Variants in GLI3 observed in about 807,000 individuals in gnomAD.
GLI3 encodes the protein transcription activator GLI3.
Under a neutral mutation model 100.8 loss-of-function variants are expected in GLI3, and 20 were observed. The observed-to-expected ratio is 0.20, with a 90% CI of 0.14 to 0.29. GLI3 has a LOEUF of 0.29. Ranked by LOEUF, GLI3 falls within the 10% of genes least tolerant of loss-of-function variation. GLI3 has a pLI of 1.00. For missense variants in GLI3, 2,040 were observed against 2,128.5 expected (o/e 0.96, Z 0.82); for synonymous variants, 938 against 860.5 (o/e 1.09, Z -1.58).
rs115358313 is a variant in GLI3 at position 42,075,476 on chromosome 7, G to A, written c.473+1276C>T. 2.0e-3 allele frequency among the ~76,000 whole-genome samples: 304 copies of A among 152,230 alleles called. 2 individuals are homozygous for A. Among genetic ancestry groups the A allele is most frequent in the African/African-American group, 7.1e-3 (293 of 41,520 alleles). On this transcript the variant is annotated intron_variant, in intron 4 of 14. Transcript: ENST00000395925. ...GGGTGAATTACATGTCATGTTTCAG[G>A]CTGAACTAGGAATTTCCTTCCCTTT...
Position 42,182,683 on chromosome 7 carries a change from C to CGTGTGTGTATATATATATATATATATAT in GLI3, c.125-34216_125-34215insATATATATATATATATATATACACACAC, listed in dbSNP as rs1562775920. 2.0e-4 allele frequency among the ~76,000 whole-genome samples: 11 copies of CGTGTGTGTATATATATATATATATATAT among 54,868 alleles called. 1 individual carries two copies. In the South Asian group the frequency reaches 3.7e-3, roughly 18 times the overall value. The allele number at this position is 54,868 out of a possible 152,430, so 36.0% of individuals were successfully genotyped here. ...ATATATATATATATATATATATATA[C>CGTGTGTGTATATATATATATATATATAT]ACATGTGTGTATATATATATACACA... is the stretch of plus-strand genomic sequence containing the variant. On this transcript the variant is annotated intron_variant, in intron 2 of 14. Coordinates refer to ENST00000395925, the MANE Select transcript of GLI3 (RefSeq NM_000168.6).
chr7:42,065,749 G>C (rs191219362), intron 4 of GLI3, among the ~76,000 whole-genome samples: 1 of 152,112 alleles, frequency 6.6e-6, no homozygotes, highest in African/African-American at 2.4e-5. Flanking sequence ...CACCCTACAC[G>C]GGATGATTTA....
chr7:42,200,852 G>A (rs1788024392), intron 2 of GLI3, among the ~76,000 whole-genome samples: 1 of 152,112 alleles, frequency 6.6e-6, no homozygotes, highest in Non-Finnish European at 1.5e-5. Flanking sequence ...ACCTGAGCCT[G>A]TGCAAAAACA....
chr7:42,118,049 A>C (rs1200915279), intron 3 of GLI3: 5 of 318,794 alleles, frequency 1.6e-5, no homozygotes, highest in Non-Finnish European at 2.8e-5. Flanking sequence ...AACACTTAAC[A>C]GGAAAAGATA....
chr7:42,238,117 C>T (rs1359589105), upstream of GLI3, among the ~76,000 whole-genome samples: 1 of 151,642 alleles, frequency 6.6e-6, no homozygotes. Context: ...GACCCCGCGC[C>T]CTCCCGGCGC....
At chr7:41,977,422 T>A (rs1787539520) in intron 12 of GLI3, 136 bp downstream of exon 12, 4 of 861,464 alleles carry the variant, frequency 4.6e-6, no homozygotes. Context: ...AGCCTTCACC[T>A]GCAGGGGCAG....
At chr7:42,227,316 T>A (rs1335417332) in intron 1 of GLI3, among the ~76,000 whole-genome samples, 1 of 129,732 alleles carries the variant, frequency 7.7e-6, no homozygotes, top group Admixed American at 8.0e-5. Flanking sequence ...TCCCAGGAGC[T>A]CGGTGAAGAA....
At chr7:42,134,358 C>A (rs781630018) in intron 3 of GLI3, among the ~76,000 whole-genome samples, 20 of 152,104 alleles carry the variant, frequency 1.3e-4, no homozygotes, top group South Asian at 4.1e-4. Context: ...AAAAGCTGAA[C>A]GATTCATGTC....
At chr7:42,243,148 C>A (rs765788606) in intron 1 of GLI3, among the ~76,000 whole-genome samples, 12 of 151,792 alleles carry the variant, frequency 7.9e-5, no homozygotes, top group Non-Finnish European at 1.6e-4. Context: ...AGTGTCCATG[C>A]GAGAACTTTA....
intron 3 of GLI3, among the ~76,000 whole-genome samples, chr7:42,091,850 A>C (rs1166035107): frequency 2.6e-5 from 4 of 152,256 alleles, no homozygotes; most frequent in African/African-American, 2.4e-5. Context: ...GCAGATATGC[A>C]TGGCTTATTT....
intron 2 of GLI3, 83 bp from the exon 3 acceptor site, chr7:42,148,551 C>G: frequency 8.1e-7 from 1 of 1,238,790 alleles, no homozygotes; most frequent in Non-Finnish European, 1.2e-6. Flanking sequence ...GTCTCATTCT[C>G]GATATCCCTC....
intron 1 of GLI3, among the ~76,000 whole-genome samples, chr7:42,245,155 T>C (rs1280042576): frequency 2.6e-5 from 4 of 152,162 alleles, no homozygotes; most frequent in East Asian, 1.9e-4. Flanking sequence ...ATCTCAGTGA[T>C]GGCGATAGTG....
At chr7:42,216,754 G>T (rs1788385971) in intron 2 of GLI3, among the ~76,000 whole-genome samples, 1 of 152,168 alleles carries the variant, frequency 6.6e-6, no homozygotes, top group African/African-American at 2.4e-5. Flanking sequence ...GAAAGAGACT[G>T]GGGACATATT....
intron 3 of GLI3, among the ~76,000 whole-genome samples, chr7:42,102,673 T>G (rs1183321218): frequency 1.3e-5 from 2 of 152,210 alleles, no homozygotes; most frequent in East Asian, 3.9e-4. Context: ...TGCCTAGGAT[T>G]AGAACATTTA....
chr7:41,966,085 A>G lies in GLI3; in HGVS notation c.2988T>C (p.Asp996=). The change falls in exon 15 of 15, where the codon GAT becomes GAC. Residue 996 remains aspartate, a synonymous_variant. Transcript: ENST00000395925. The surrounding 1 kb of genome is among the most constrained non-coding windows in gnomAD (Gnocchi z 5.8). ...CCCTCCTCACGCCGTGGCCCGGCGC[A>G]TCGTGCGGCTGCAGGTGGCGCCGCC... is the stretch of plus-strand genomic sequence containing the variant. The part of the protein sequence containing the change: ...GYGRRHLQPH[D]APGHGVRRAS... 1 of 1,569,422 alleles carries G rather than the reference A, an allele frequency of 6.4e-7. No homozygotes were observed. The highest frequency in any genetic ancestry group is 1.3e-5 in the African/African-American group (1 of 74,114).
intron 2 of GLI3, among the ~76,000 whole-genome samples, chr7:42,218,036 C>G (rs1788411679): frequency 2.6e-5 from 4 of 152,174 alleles, no homozygotes. Context: ...ATGGCTAGTC[C>G]TTCGTGTTGC....
At position 41,961,388 on chromosome 7, in the gene GLI3, A is replaced by G. The variant is rs1787008015; in HGVS notation, c.*2942T>C. On this transcript the variant is annotated 3_prime_UTR_variant, in exon 15 of 15. Transcript: ENST00000395925. ...CCACCGTGCGCTCTCTGGCTGGTGCACACACAGCCTTGGAGTGCTGATTGG... is the reference window on the plus strand; with the variant it reads ...CCACCGTGCGCTCTCTGGCTGGTGCGCACACAGCCTTGGAGTGCTGATTGG... 6.6e-6 allele frequency: 1 copy of G among 152,626 alleles called. No homozygotes were observed. Among genetic ancestry groups the G allele is most frequent in the Non-Finnish European group, 1.5e-5 (1 of 68,042 alleles). 9.5% of individuals were successfully genotyped at this position (152,626 alleles called of 1,614,324 possible).
intron 2 of GLI3, among the ~76,000 whole-genome samples, chr7:42,200,319 C>T (rs1788012453): frequency 6.6e-6 from 1 of 152,094 alleles, no homozygotes; most frequent in Admixed American, 6.5e-5. Flanking sequence ...ATGTCCAGGC[C>T]CAGGTGAACA....
intron 4 of GLI3, among the ~76,000 whole-genome samples, chr7:42,056,776 C>T (rs898421119): frequency 2.1e-5 from 3 of 142,830 alleles, no homozygotes; most frequent in Admixed American, 6.9e-5. Flanking sequence ...CATGGAGAAA[C>T]CCCGTCTCTA....
Sources: allele counts gnomAD v4.1 joint callset (sites outside exome capture counted in the v4.1 genomes callset), GRCh38; gene constraint gnomAD v4.1.1; non-coding constraint Gnocchi (gnomAD v3.1); transcripts MANE v1.5; gene names NCBI Gene and HGNC (gene_info 2026-07-23, HGNC 2026-07-21).